IFT43: variants seen among roughly 807,000 people sequenced by gnomAD.
IFT43 encodes the protein intraflagellar transport protein 43 homolog.
Under a neutral mutation model 32.3 loss-of-function variants are expected in IFT43, and 33 were observed. The observed-to-expected ratio is 1.02, with a 90% CI of 0.77 to 1.37. IFT43 has a LOEUF of 1.37. Among genes scored for constraint, IFT43 ranks in the 40% most tolerant of loss-of-function variants. IFT43 has a pLI of 0.00. For missense variants in IFT43, 274 were observed against 265.9 expected, an observed-to-expected ratio of 1.03 and a Z score of -0.21; for synonymous variants, 93 against 98.2, an observed-to-expected ratio of 0.95 and a Z score of 0.31.
intron 5 of IFT43, among the ~76,000 whole-genome samples, chr14:76,080,243 A>G (rs901881320): frequency 7.9e-5 from 12 of 152,146 alleles, no homozygotes; most frequent in Non-Finnish European, 4.4e-5. Context: ...CAGGCTTCCA[A>G]TTAGAGAGAA....
At chr14:76,036,408 C>CTTT (rs3086747) in intron 3 of IFT43, among the ~76,000 whole-genome samples, 8 of 119,726 alleles carry the variant, frequency 6.7e-5, no homozygotes, top group East Asian at 4.8e-4. Context: ...TTCTGTCTTT[C>CTTT]TTTTTTTTTT....
intron 2 of IFT43, among the ~76,000 whole-genome samples, chr14:76,011,156 T>A (rs1330989564): frequency 5.9e-5 from 9 of 152,116 alleles, no homozygotes; most frequent in Admixed American, 5.9e-4. Context: ...GTGATCCTTC[T>A]GCCTCAGCTT....
intron 3 of IFT43, among the ~76,000 whole-genome samples, chr14:76,034,281 G>A (rs909860505): frequency 8.5e-5 from 13 of 152,054 alleles, no homozygotes; most frequent in South Asian, 2.1e-4. Context: ...TCCTAGTTAC[G>A]TCCTTAAGTG....
intron 3 of IFT43, among the ~76,000 whole-genome samples, chr14:76,043,701 T>C (rs2036750599): frequency 6.6e-6 from 1 of 152,242 alleles, no homozygotes; most frequent in Non-Finnish European, 1.5e-5. Flanking sequence ...GCTCCACCTC[T>C]GACACCAGAT....
chr14:76,033,866 T>C (rs2036551326), intron 3 of IFT43, among the ~76,000 whole-genome samples: 1 of 152,188 alleles, frequency 6.6e-6, no homozygotes, highest in Non-Finnish European at 1.5e-5. Flanking sequence ...AACAAATGAA[T>C]GAGTAACACT....
At chr14:76,020,680 G>A (rs2036273486) in intron 2 of IFT43, among the ~76,000 whole-genome samples, 1 of 152,154 alleles carries the variant, frequency 6.6e-6, no homozygotes, top group East Asian at 1.9e-4. Flanking sequence ...AGTTGTTATT[G>A]GAGGCTGTGA....
intron 5 of IFT43, among the ~76,000 whole-genome samples, chr14:76,075,825 C>T (rs1372298433): frequency 6.6e-6 from 1 of 152,208 alleles, no homozygotes. Context: ...ATTCCCCATA[C>T]GTGATGCAGA....
Position 76,032,664 on chromosome 14 carries a change from C to T in IFT43, c.215+10270C>T, listed in dbSNP as rs568754044. 2.2e-4 allele frequency among the ~76,000 whole-genome samples: 33 copies of T among 152,270 alleles called. 1 individual carries two copies. In the South Asian group the frequency reaches 5.2e-3, roughly 24 times the overall value. ...CAGTGCCTAGTCCATAATAAGCACT[C>T]GGTGACTATTTATTGAACATATGAA... On this transcript the variant is annotated intron_variant, in intron 3 of 8. Coordinates refer to ENST00000314067, the MANE Select transcript of IFT43 (RefSeq NM_001102564.3).
intron 3 of IFT43, among the ~76,000 whole-genome samples, chr14:76,055,879 A>G (rs916710991): frequency 2.6e-5 from 4 of 152,194 alleles, no homozygotes; most frequent in African/African-American, 9.6e-5. Flanking sequence ...CTCCTATTGG[A>G]AAACCAGCAG....
At position 76,059,172 on chromosome 14, in the gene IFT43, A is replaced by C. The variant is rs2302856; in HGVS notation, c.249-155A>C. The C allele has an allele frequency of 0.34, 531,894 of 1,563,190 alleles. 91,181 individuals are homozygous for C. Among genetic ancestry groups the C allele is most frequent in the African/African-American group, 0.36 (26,709 of 74,066 alleles). On this transcript the variant is annotated intron_variant, in intron 4 of 8. Coordinates refer to ENST00000314067, the MANE Select transcript of IFT43 (RefSeq NM_001102564.3). ...CTGTGCAACCACACACGGCACACCC[A>C]GTGGCCTAATTAGGTTTGACTAAGT...
intron 3 of IFT43, among the ~76,000 whole-genome samples, chr14:76,054,847 T>A (rs183953910): frequency 3.0e-4 from 45 of 152,286 alleles, no homozygotes; most frequent in African/African-American, 1.0e-3. Context: ...TCCTCAGAAG[T>A]TGGGAATGAA....
intron 5 of IFT43, among the ~76,000 whole-genome samples, chr14:76,064,470 G>T (rs1332908816): frequency 6.6e-6 from 1 of 152,224 alleles, no homozygotes; most frequent in Non-Finnish European, 1.5e-5. Context: ...GAGCAAAGTG[G>T]GTAGGCGGTT....
intron 3 of IFT43, among the ~76,000 whole-genome samples, chr14:76,035,223 G>A (rs981410323): frequency 3.3e-5 from 5 of 152,124 alleles, no homozygotes; most frequent in African/African-American, 2.4e-5. Context: ...TGAACGGCAG[G>A]AGTGGAATTG....
At chr14:76,050,618 A>G (rs983004790) in intron 3 of IFT43, among the ~76,000 whole-genome samples, 2 of 151,908 alleles carry the variant, frequency 1.3e-5, no homozygotes, top group African/African-American at 2.4e-5. Context: ...CGCTGTACCC[A>G]TCTGGTGGTG....
intron 5 of IFT43, among the ~76,000 whole-genome samples, chr14:76,064,519 C>T (rs1029707966): frequency 2.6e-5 from 4 of 152,144 alleles, no homozygotes; most frequent in South Asian, 2.1e-4. Context: ...GCTAGAGCAA[C>T]GATTCTAGAG....
chr14:76,043,372 G>GTGTCA (rs2036743550), intron 3 of IFT43, among the ~76,000 whole-genome samples: 2 of 152,246 alleles, frequency 1.3e-5, no homozygotes, highest in Non-Finnish European at 1.5e-5. Flanking sequence ...AGAAGAGCTC[G>GTGTCA]TGTGCAGGGC....
intron 3 of IFT43, among the ~76,000 whole-genome samples, chr14:76,027,060 A>G (rs2036411145): frequency 1.3e-5 from 2 of 152,162 alleles, no homozygotes; most frequent in Non-Finnish European, 2.9e-5. Flanking sequence ...AGAGGAGAAC[A>G]ACACACATTG....
At chr14:76,036,209 CTGA>C (rs1017553197) in intron 3 of IFT43, among the ~76,000 whole-genome samples, 1 of 152,126 alleles carries the variant, frequency 6.6e-6, no homozygotes, top group African/African-American at 2.4e-5. Context: ...TTAATGTCAT[CTGA>C]TATCCAGGTC....
At chr14:76,026,200 G>T (rs2036390844) in intron 3 of IFT43, among the ~76,000 whole-genome samples, 1 of 152,154 alleles carries the variant, frequency 6.6e-6, no homozygotes, top group African/African-American at 2.4e-5. Flanking sequence ...GATCATTAGA[G>T]AAATGCAAAT....
Sources: gnomAD v4.1 joint callset for allele counts (sites outside exome capture counted in the v4.1 genomes callset) on GRCh38, gnomAD v4.1.1 for gene constraint, MANE v1.5 for transcripts, NCBI Gene and HGNC (gene_info 2026-07-23, HGNC 2026-07-21) for gene names.